Variants in ARPC1A observed in about 807,000 individuals in gnomAD.
The protein encoded by ARPC1A is actin-related protein 2/3 complex subunit 1A.
Under a neutral mutation model 46.9 loss-of-function variants are expected in ARPC1A, and 8 were observed. That is an observed-to-expected ratio of 0.17 (90% CI 0.10 to 0.31). The LOEUF (loss-of-function observed/expected upper bound fraction) is 0.31, where lower values mean the gene tolerates loss of function less well. Ranked by LOEUF, ARPC1A falls within the 10% of genes least tolerant of loss-of-function variation. The pLI, the probability that ARPC1A is intolerant of heterozygous loss-of-function variation, is 1.00. For synonymous variants in ARPC1A, 152 were observed against 169.0 expected, an observed-to-expected ratio of 0.90 and a Z score of 0.78; for missense variants, 286 against 483.6, an observed-to-expected ratio of 0.59 and a Z score of 3.83.
intron 5 of ARPC1A, 80 bp from the exon 6 acceptor site, chr7:99,353,829 T>C: frequency 2.9e-6 from 4 of 1,372,138 alleles, no homozygotes; most frequent in Non-Finnish European, 4.1e-6. Flanking sequence ...CTGAGATTCC[T>C]TGTGGCAGCT....
At chr7:99,342,431 G>C (rs1793369912) in intron 3 of ARPC1A, among the ~76,000 whole-genome samples, 1 of 151,950 alleles carries the variant, frequency 6.6e-6, no homozygotes, top group South Asian at 2.1e-4. Context: ...TGTAGTCTCA[G>C]CTACTCAGGA....
intron 2 of ARPC1A, among the ~76,000 whole-genome samples, chr7:99,336,711 C>T (rs1177463447): frequency 6.6e-6 from 1 of 152,014 alleles, no homozygotes; most frequent in East Asian, 1.9e-4. Flanking sequence ...CCAGGCTGGT[C>T]TCGAACTCCT....
intron 5 of ARPC1A, among the ~76,000 whole-genome samples, chr7:99,351,938 G>A (rs1793548217): frequency 6.6e-6 from 1 of 152,082 alleles, no homozygotes; most frequent in Non-Finnish European, 1.5e-5. Context: ...GTGAGTTAGT[G>A]GAAACGGGCG....
rs151205452 is a variant in ARPC1A, at chr7:99,334,773, C to A, written c.64+1356C>A. On this transcript the variant is annotated intron_variant, in intron 2 of 9. Transcript: ENST00000262942. ...CTCGGCTTACTGCAACCTCCGCCTC[C>A]CAGGTTCAAGTGATTATCATGTCTG... 1.3e-3 allele frequency among the ~76,000 whole-genome samples: 200 copies of A among 152,260 alleles called. 1 individual carries two copies. Among genetic ancestry groups the A allele is most frequent in the South Asian group, 2.9e-3 (14 of 4,830 alleles).
At chr7:99,326,090 C>T (rs6964049) in intron 1 of ARPC1A, 86 bp downstream of exon 1, 14,918 of 152,220 alleles carry the variant, frequency 0.098, 1,153 homozygotes, top group African/African-American at 0.22. Flanking sequence ...GGCAGTGAGA[C>T]GGGGGCTCAG....
In ARPC1A at chr7:99,348,783, C is replaced by T. The variant is rs1317233422; in HGVS notation, c.393-69C>T. 15 of 1,217,894 alleles carry T rather than the reference C, an allele frequency of 1.2e-5. No homozygotes were observed. In the African/African-American group the frequency reaches 1.7e-4, roughly 14 times the overall value. 75.4% of individuals were successfully genotyped at this position (1,217,894 alleles called of 1,614,324 possible). A position where few individuals can be genotyped will look rare whatever the true frequency, so the allele number is the denominator to read the frequency against. Reference sequence around the variant, plus strand: ...GGCCTACTTAGGTATTTTCACCTGACATACATTTGTAGGTCATTTGGGGAT... The same window carrying T: ...GGCCTACTTAGGTATTTTCACCTGATATACATTTGTAGGTCATTTGGGGAT... On this transcript the variant is annotated intron_variant, in intron 4 of 9. Coordinates refer to ENST00000262942, the MANE Select transcript of ARPC1A (RefSeq NM_006409.4).
intron 5 of ARPC1A, among the ~76,000 whole-genome samples, chr7:99,353,425 TG>T (rs1287265411): frequency 6.6e-6 from 1 of 151,976 alleles, no homozygotes; most frequent in Non-Finnish European, 1.5e-5. Context: ...CCCAAAGTGC[TG>T]GGATTACAGG....
chr7:99,355,128 A>G (rs902805502), intron 6 of ARPC1A, among the ~76,000 whole-genome samples: 1 of 151,218 alleles, frequency 6.6e-6, no homozygotes, highest in Non-Finnish European at 1.5e-5. Context: ...AAAAAAAAAA[A>G]AAAATCAGCC....
At chr7:99,349,101 A>T (rs1442090824) in intron 5 of ARPC1A, 142 bp downstream of exon 5, 5 of 789,332 alleles carry the variant, frequency 6.3e-6, no homozygotes. Context: ...CCCAGGCTGG[A>T]GTGCAGTGGC....
chr7:99,328,693 C>A (rs1006888785), intron 1 of ARPC1A, among the ~76,000 whole-genome samples: 6 of 152,038 alleles, frequency 3.9e-5, no homozygotes, highest in African/African-American at 1.4e-4. Flanking sequence ...CTCATGCTTG[C>A]AATCTTAACA....
At chr7:99,357,580 C>G (rs1391434216) in intron 6 of ARPC1A, among the ~76,000 whole-genome samples, 1 of 151,978 alleles carries the variant, frequency 6.6e-6, no homozygotes, top group African/African-American at 2.4e-5. Context: ...CCTTCCACCT[C>G]AGCCCCTCAA....
chr7:99,358,478 T>A, intron 7 of ARPC1A, 63 bp downstream of exon 7: 1 of 1,409,472 alleles, frequency 7.1e-7, no homozygotes, highest in South Asian at 1.2e-5. Context: ...CAGGGAACAA[T>A]GTGTGCTCTG....
At chr7:99,344,568 C>G (rs1793408772) in intron 4 of ARPC1A, 53 bp downstream of exon 4, 1 of 1,568,150 alleles carries the variant, frequency 6.4e-7, no homozygotes, top group Non-Finnish European at 8.8e-7. Flanking sequence ...TACATTTGCA[C>G]TGCTGTGTGA....
chr7:99,361,750 T>G (rs1793744275), intron 8 of ARPC1A, among the ~76,000 whole-genome samples: 1 of 152,208 alleles, frequency 6.6e-6, no homozygotes, highest in Admixed American at 6.6e-5. Flanking sequence ...AGGTGCTCTT[T>G]GCACTAGAAC....
At chr7:99,328,848 G>A (rs990431112) in intron 1 of ARPC1A, among the ~76,000 whole-genome samples, 7 of 152,246 alleles carry the variant, frequency 4.6e-5, no homozygotes, top group Non-Finnish European at 8.8e-5. Context: ...CTACTCAGGA[G>A]GCTAAAGTGG....
chr7:99,336,903 C>G (rs753813183), intron 2 of ARPC1A, among the ~76,000 whole-genome samples: 64 of 152,010 alleles, frequency 4.2e-4, no homozygotes, highest in Non-Finnish European at 7.5e-4. Context: ...AGGAGAATTG[C>G]TTGAGGCCAG....
rs142104178 is a variant in ARPC1A at position 99,334,442 on chromosome 7, C to T, written c.64+1025C>T. ...GGATTGGGGAGAAAAAGTCCAATTT[C>T]GCTTATTTTTCTTTTGTTGCTTGTA... On this transcript the variant is annotated intron_variant, in intron 2 of 9. Coordinates refer to ENST00000262942, the MANE Select transcript of ARPC1A (RefSeq NM_006409.4). Among the ~76,000 whole-genome samples the T allele has an allele frequency of 4.8e-4, 73 of 152,098 alleles. No homozygotes were observed. The East Asian group carries it at 7.5e-3, about 16-fold the overall frequency.
chr7:99,334,345 G>A (rs1793203217), intron 2 of ARPC1A, among the ~76,000 whole-genome samples: 1 of 151,766 alleles, frequency 6.6e-6, no homozygotes, highest in Non-Finnish European at 1.5e-5. Context: ...CTGGGTGACA[G>A]GGCAAGACTC....
intron 5 of ARPC1A, 124 bp downstream of exon 5, chr7:99,349,083 C>A: frequency 1.1e-6 from 1 of 948,340 alleles, no homozygotes; most frequent in Non-Finnish European, 1.6e-6. Context: ...GACAGGGTCT[C>A]ACTCTCACCC....
Sources: gnomAD v4.1 joint callset for allele counts (sites outside exome capture counted in the v4.1 genomes callset) on GRCh38, gnomAD v4.1.1 for gene constraint, MANE v1.5 for transcripts, NCBI Gene and HGNC (gene_info 2026-07-23, HGNC 2026-07-21) for gene names.